The following USP15 variants were observed in gnomAD, a reference collection of about 807,000 sequenced individuals.
The protein encoded by USP15 is ubiquitin specific peptidase 15.
A neutral mutation model predicts 127.1 loss-of-function variants in USP15; 18 were observed. That is an observed-to-expected ratio of 0.14 (90% confidence interval 0.10 to 0.21). The LOEUF is 0.21. Among genes scored for constraint, USP15 ranks in the 10% least tolerant of loss-of-function variants. USP15 has a pLI of 1.00. For missense variants in USP15, 805 were observed against 1,159.9 expected (o/e 0.69, Z 4.44); for synonymous variants, 364 against 393.7 (o/e 0.92, Z 0.89).
rs1041275867 is a variant in USP15, at chr12:62,405,987, T to C, written c.*1612T>C. ...GCTTTGGGGTTTTTTTTTTCTTTTT[T>C]TTTTTTTTAATGTAAACTAACCTCC... On this transcript the variant is annotated 3_prime_UTR_variant, in exon 22 of 22. Coordinates refer to ENST00000280377, the MANE Select transcript of USP15 (RefSeq NM_001252078.2). 7.2e-5 allele frequency: 11 copies of C among 151,926 alleles called. No homozygotes were observed. The highest frequency in any genetic ancestry group is 3.3e-4 in the Admixed American group (5 of 15,186). 9.4% of individuals were successfully genotyped at this position (151,926 alleles called of 1,614,324 possible). A position where few individuals can be genotyped will look rare whatever the true frequency, so the allele number is the denominator to read the frequency against.
chr12:62,356,768 T>C (rs1244807414), intron 8 of USP15, among the ~76,000 whole-genome samples: 1 of 152,058 alleles, frequency 6.6e-6, no homozygotes, highest in Non-Finnish European at 1.5e-5. Context: ...AATTTTTATC[T>C]TTATTTTTCT....
chr12:62,337,324 CA>C (rs1249267112), intron 6 of USP15, among the ~76,000 whole-genome samples: 1 of 152,032 alleles, frequency 6.6e-6, no homozygotes. Context: ...GGGCAATTTA[CA>C]AAAGAAAGAG....
intron 8 of USP15, among the ~76,000 whole-genome samples, chr12:62,374,835 A>G (rs574732953): frequency 1.3e-5 from 2 of 152,246 alleles, no homozygotes; most frequent in East Asian, 3.9e-4. Flanking sequence ...ATGTGTATAT[A>G]AAGAAAAGTT....
chr12:62,366,212 C>G (rs2066473076), intron 8 of USP15, among the ~76,000 whole-genome samples: 1 of 152,114 alleles, frequency 6.6e-6, no homozygotes, highest in Non-Finnish European at 1.5e-5. Flanking sequence ...TGTTTGTGTC[C>G]TCTCTTATTT....
rs2064739446 is a variant in USP15, at chr12:62,313,352, G to A, written c.349-1438G>A. On this transcript the variant is annotated intron_variant, in intron 3 of 21. Transcript: ENST00000280377. ...ATATACCTCAATATAAATCATAATGGGGGTTTTGTTTTTTAACCATACTTA... is the reference window on the plus strand; with the variant it reads ...ATATACCTCAATATAAATCATAATGAGGGTTTTGTTTTTTAACCATACTTA... 2.0e-5 allele frequency among the ~76,000 whole-genome samples: 3 copies of A among 151,456 alleles called. No homozygotes were observed. In the South Asian group the frequency reaches 6.2e-4, roughly 31 times the overall value.
Position 62,280,112 on chromosome 12 carries a change from CAA to C in USP15, c.90-14066_90-14065del, listed in dbSNP as rs531850142. ...TGTGCTTAGAAGTATGCACATGGCT[CAA>C]GAGTAAAACTCAAATATTAGTGATT... On this transcript the variant is annotated intron_variant, in intron 1 of 21. Transcript: ENST00000280377. Among the ~76,000 whole-genome samples, 16 of 152,068 alleles carry C rather than the reference CAA, an allele frequency of 1.1e-4. 1 individual carries two copies. Among genetic ancestry groups the C allele is most frequent in the Non-Finnish European group, 1.6e-4 (11 of 67,988 alleles).
rs182094633 is a variant in USP15, at chr12:62,370,352, A to C, written c.916-11138A>C. Among the ~76,000 whole-genome samples, 18 of 152,178 alleles carry C rather than the reference A, an allele frequency of 1.2e-4. No homozygotes were observed. The East Asian group carries it at 3.5e-3, about 29-fold the overall frequency. ...GAGACCCATGACCTTGAACAGGATG[A>C]TCTGTGCTTTCCCCCTACTTTCCCA... is the stretch of plus-strand genomic sequence containing the variant. On this transcript the variant is annotated intron_variant, in intron 8 of 21. Coordinates refer to ENST00000280377, the MANE Select transcript of USP15 (RefSeq NM_001252078.2).
At chr12:62,304,830 TAAAAA>T in intron 3 of USP15, 3 of 174,358 alleles carry the variant, frequency 1.7e-5, no homozygotes, top group Admixed American at 1.2e-4. Flanking sequence ...TTATTATGCT[TAAAAA>T]AAAAAAAAAA....
Position 62,409,226 on chromosome 12 carries a change from G to C in USP15, c.*4851G>C, listed in dbSNP as rs1275270019. The C allele has an allele frequency of 6.6e-6, 1 of 152,160 alleles. No individual in the cohort carries two copies. The highest frequency in any genetic ancestry group is 2.1e-4 in the South Asian group (1 of 4,836). The allele number at this position is 152,160 out of a possible 1,614,324, so 9.4% of individuals were successfully genotyped here. On this transcript the variant is annotated 3_prime_UTR_variant, in exon 22 of 22. Transcript: ENST00000280377. Reference sequence around the variant, plus strand: ...TTTTGGGAGCCTGGAACTTGTCAGGGTTGTGAAATAGATCTCAGACTATTA... The same window carrying C: ...TTTTGGGAGCCTGGAACTTGTCAGGCTTGTGAAATAGATCTCAGACTATTA...
intron 16 of USP15, 139 bp downstream of exon 16, chr12:62,391,568 T>TAG: frequency 8.9e-7 from 1 of 1,123,618 alleles, no homozygotes; most frequent in Non-Finnish European, 1.2e-6. Flanking sequence ...TGAAAGGACT[T>TAG]AATATCTAAG....
At chr12:62,280,092 T>G (rs2063605734) in intron 1 of USP15, among the ~76,000 whole-genome samples, 1 of 152,192 alleles carries the variant, frequency 6.6e-6, no homozygotes, top group South Asian at 2.1e-4. Flanking sequence ...ATGAATGTGC[T>G]TAGAAGTATG....
rs1205912846 is a variant in USP15, at chr12:62,416,085, C to T, written c.*11710C>T. On this transcript the variant is annotated 3_prime_UTR_variant, in exon 22 of 22. Transcript: ENST00000280377. Reference sequence around the variant, plus strand: ...AGTAAGAATTTGCCCTCATCTAATTCCTCACTTGCCCTCAAACATGTCATA... The same window carrying T: ...AGTAAGAATTTGCCCTCATCTAATTTCTCACTTGCCCTCAAACATGTCATA... The T allele has an allele frequency of 6.6e-6, 1 of 152,196 alleles. No individual in the cohort carries two copies. The highest frequency in any genetic ancestry group is 6.6e-5 in the Admixed American group (1 of 15,266). 9.4% of individuals were successfully genotyped at this position (152,196 alleles called of 1,614,324 possible).
intron 1 of USP15, among the ~76,000 whole-genome samples, chr12:62,273,715 T>G (rs777057301): frequency 2.1e-4 from 32 of 152,188 alleles, no homozygotes; most frequent in Non-Finnish European, 3.8e-4. Context: ...GGTAGTGTTT[T>G]TGTGTGTGTG....
rs1240257733 is a variant in USP15, at chr12:62,294,297, C to T, written c.208C>T (p.Leu70Phe). Residue 70 changes from leucine to phenylalanine, a missense_variant, in exon 2 of 22, where the codon CTT (leucine) becomes TTT (phenylalanine). Transcript: ENST00000280377. ...VYPGPIDNSGLLKDGDAQSLK... is the reference protein window; with the variant it reads ...VYPGPIDNSGFLKDGDAQSLK... ...TCCTGGACCCATTGATAACTCTGGA[C>T]TTCTCAAAGGTCATTATTTTCTTCC... The T allele has an allele frequency of 3.7e-6, 6 of 1,609,594 alleles. No homozygotes were observed. Among genetic ancestry groups the T allele is most frequent in the Non-Finnish European group, 5.1e-6 (6 of 1,178,734 alleles).
At chr12:62,366,408 G>A (rs1365018166) in intron 8 of USP15, among the ~76,000 whole-genome samples, 1 of 152,296 alleles carries the variant, frequency 6.6e-6, no homozygotes, top group East Asian at 1.9e-4. Flanking sequence ...TTTGTATCCT[G>A]AGACTTTGCT....
intron 1 of USP15, among the ~76,000 whole-genome samples, chr12:62,276,041 A>G (rs959393817): frequency 6.6e-6 from 1 of 152,144 alleles, no homozygotes; most frequent in Non-Finnish European, 1.5e-5. Context: ...ATGAACCCAG[A>G]TAATATTAAC....
At chr12:62,329,264 G>A (rs1380524557) in intron 6 of USP15, among the ~76,000 whole-genome samples, 1 of 152,032 alleles carries the variant, frequency 6.6e-6, no homozygotes, top group Non-Finnish European at 1.5e-5. Flanking sequence ...CCAGCTACTC[G>A]GGAGGCTGAG....
chr12:62,364,682 G>A (rs1053232159), intron 8 of USP15, among the ~76,000 whole-genome samples: 12 of 152,062 alleles, frequency 7.9e-5, no homozygotes, highest in Admixed American at 6.5e-4. Flanking sequence ...ACCTTCATTA[G>A]GTATTTATCC....
chr12:62,326,030 T>C, intron 6 of USP15, 97 bp downstream of exon 6: 2 of 1,030,290 alleles, frequency 1.9e-6, no homozygotes, highest in African/African-American at 3.2e-5. Flanking sequence ...AGATGTGTAT[T>C]GCAGAAATTC....
Sources: allele counts gnomAD v4.1 joint callset (sites outside exome capture counted in the v4.1 genomes callset), GRCh38; gene constraint gnomAD v4.1.1; transcripts MANE v1.5; gene names NCBI Gene and HGNC (gene_info 2026-07-23, HGNC 2026-07-21).